Variants in FILIP1 observed in about 807,000 individuals in gnomAD.
FILIP1 encodes filamin A interacting protein 1.
FILIP1 carries 61 observed loss-of-function variants against 102.1 expected under a neutral mutation model. The observed-to-expected ratio is 0.60, with a 90% confidence interval of 0.49 to 0.74. The LOEUF (loss-of-function observed/expected upper bound fraction) is 0.74, where lower values mean the gene tolerates loss of function less well. Ranked by LOEUF, FILIP1 falls within the 30% of genes least tolerant of loss-of-function variation. The pLI is 0.00. For missense variants in FILIP1, 1,314 were observed against 1,441.2 expected (o/e 0.91, Z 1.43); for synonymous variants, 491 against 526.9 (o/e 0.93, Z 0.93).
rs1036307516 is a variant in FILIP1, at chr6:75,435,382, C to T, written c.-6-20404G>A. On this transcript the variant is annotated intron_variant, in intron 1 of 5. Coordinates refer to ENST00000237172, the MANE Select transcript of FILIP1 (RefSeq NM_015687.5). ...TTTTAAATCATTGGAGATTTCTTTG[C>T]CTCTTTAAGTCTTGAAATATAAATG... Among the ~76,000 whole-genome samples the T allele has an allele frequency of 2.6e-5, 4 of 152,108 alleles. No individual in the cohort carries two copies. In the South Asian group the frequency reaches 8.3e-4, roughly 32 times the overall value.
At chr6:75,462,807 C>T (rs1415460091) in intron 1 of FILIP1, among the ~76,000 whole-genome samples, 1 of 152,112 alleles carries the variant, frequency 6.6e-6, no homozygotes, top group Non-Finnish European at 1.5e-5. Flanking sequence ...ACAAGCTGCC[C>T]CCATCCCTTT....
chr6:75,389,638 A>C (rs1055122552), intron 2 of FILIP1, among the ~76,000 whole-genome samples: 1 of 152,166 alleles, frequency 6.6e-6, no homozygotes, highest in African/African-American at 2.4e-5. Flanking sequence ...AATTTCCTCT[A>C]GATTTTCTAG....
At chr6:75,441,719 C>T (rs1193652070) in intron 1 of FILIP1, among the ~76,000 whole-genome samples, 1 of 142,198 alleles carries the variant, frequency 7.0e-6, no homozygotes, top group Non-Finnish European at 1.5e-5. Context: ...CTGACCCCCC[C>T]ACCTCCCTCC....
chr6:75,372,621 A>AAG (rs1554204813), intron 2 of FILIP1, among the ~76,000 whole-genome samples: 4 of 42,230 alleles, frequency 9.5e-5, no homozygotes, highest in East Asian at 7.1e-4. Flanking sequence ...GAAAGAAAGA[A>AAG]AAAGAAAGAA....
intron 1 of FILIP1, among the ~76,000 whole-genome samples, chr6:75,449,995 G>A (rs978623237): frequency 6.6e-5 from 10 of 152,092 alleles, no homozygotes; most frequent in African/African-American, 2.4e-4. Context: ...GTGCGGTGGT[G>A]CAATCATGGC....
Position 75,429,880 on chromosome 6 carries a change from C to T in FILIP1, c.-6-14902G>A, listed in dbSNP as rs927987361. ...CAAACTTTTTTTGTGTCCCATGATA[C>T]TGCATAACAAGCACACCAGCACCAT... On this transcript the variant is annotated intron_variant, in intron 1 of 5. Transcript: ENST00000237172. Among the ~76,000 whole-genome samples, 5 of 152,174 alleles carry T rather than the reference C, an allele frequency of 3.3e-5. No homozygotes were observed. In the East Asian group the frequency reaches 9.6e-4, roughly 29 times the overall value.
At chr6:75,353,758 C>T in intron 3 of FILIP1, 41 bp from the exon 4 acceptor site, 1 of 1,593,242 alleles carries the variant, frequency 6.3e-7, no homozygotes, top group Non-Finnish European at 8.5e-7. Flanking sequence ...TATTTTATTG[C>T]ATTTGCATAG....
intron 1 of FILIP1, among the ~76,000 whole-genome samples, chr6:75,436,774 G>T (rs1778037149): frequency 6.6e-6 from 1 of 152,036 alleles, no homozygotes; most frequent in Non-Finnish European, 1.5e-5. Flanking sequence ...TCTGTATTTA[G>T]GTCAAGACAA....
At chr6:75,346,107 T>C (rs1031696071) in intron 4 of FILIP1, among the ~76,000 whole-genome samples, 1 of 152,198 alleles carries the variant, frequency 6.6e-6, no homozygotes, top group Non-Finnish European at 1.5e-5. Flanking sequence ...GGCTCTGAGT[T>C]TATAAGGTAC....
chr6:75,300,373 C>A (rs1450640775), intron 6 of FILIP1, among the ~76,000 whole-genome samples: 1 of 152,150 alleles, frequency 6.6e-6, no homozygotes, highest in African/African-American at 2.4e-5. Context: ...CCCTACCCAC[C>A]AGGGGCTCTG....
chr6:75,366,055 A>G (rs1259418864), intron 2 of FILIP1: 1 of 152,212 alleles, frequency 6.6e-6, no homozygotes, highest in Non-Finnish European at 1.5e-5. Flanking sequence ...CAAACACACC[A>G]GTAAAGCCAG....
intron 2 of FILIP1, among the ~76,000 whole-genome samples, chr6:75,399,758 A>G (rs1467890682): frequency 6.6e-6 from 1 of 152,166 alleles, no homozygotes; most frequent in Non-Finnish European, 1.5e-5. Flanking sequence ...CCTGGCATAT[A>G]TTAGGCAGCA....
chr6:75,312,430 G>T lies in FILIP1; in HGVS notation c.3402C>A (p.Val1134=). 1 of 1,614,058 alleles carries T rather than the reference G, an allele frequency of 6.2e-7. No individual in the cohort carries two copies. Among genetic ancestry groups the T allele is most frequent in the South Asian group, 1.1e-5 (1 of 91,026 alleles). Residue 1134 remains valine (V), a synonymous_variant, in exon 5 of 6, where the codon GTC becomes GTA. Coordinates refer to ENST00000237172, the MANE Select transcript of FILIP1 (RefSeq NM_015687.5). ...KVTSTITITP[V]TTSSARGTQS... ...GGGTTCCTCGAGCAGATGACGTTGT[G>T]ACCGGTGTTATGGTGATAGTGCTCG...
At chr6:75,296,475 T>TTTTA (rs565379089) in intron 6 of FILIP1, 12 of 140,396 alleles carry the variant, frequency 8.5e-5, no homozygotes, top group African/African-American at 3.2e-4. Flanking sequence ...ACTCTATATG[T>TTTTA]TTATTATTAT....
chr6:75,454,083 G>T, intron 1 of FILIP1: 1 of 449,500 alleles, frequency 2.2e-6, no homozygotes, highest in Non-Finnish European at 4.5e-6. Context: ...TCTGCTTAGG[G>T]TCTCTCAATG....
intron 4 of FILIP1, among the ~76,000 whole-genome samples, chr6:75,346,093 A>G (rs893684541): frequency 6.6e-6 from 1 of 152,232 alleles, no homozygotes; most frequent in Non-Finnish European, 1.5e-5. Flanking sequence ...AGTATAATCT[A>G]ATAGGCTCTG....
intron 3 of FILIP1, among the ~76,000 whole-genome samples, chr6:75,358,904 A>T (rs1466098127): frequency 1.3e-5 from 2 of 150,428 alleles, no homozygotes; most frequent in East Asian, 4.0e-4. Flanking sequence ...TTGTATTTTT[A>T]GTAGAGATGG....
intron 2 of FILIP1, among the ~76,000 whole-genome samples, chr6:75,364,099 T>C (rs1775252993): frequency 6.6e-6 from 1 of 152,238 alleles, no homozygotes; most frequent in African/African-American, 2.4e-5. Context: ...AATAATTCAT[T>C]ACTGAGATGT....
At chr6:75,397,537 GACACACACACACACACACACACACAC>G (rs59797690) in intron 2 of FILIP1, among the ~76,000 whole-genome samples, 2 of 139,076 alleles carry the variant, frequency 1.4e-5, no homozygotes, top group African/African-American at 2.7e-5. Context: ...ACACATATAA[GACACACACACACACACACACACACAC>G]ACACACACAC....
Sources: gnomAD v4.1 joint callset for allele counts (sites outside exome capture counted in the v4.1 genomes callset) on GRCh38, gnomAD v4.1.1 for gene constraint, MANE v1.5 for transcripts, NCBI Gene and HGNC (gene_info 2026-07-23, HGNC 2026-07-21) for gene names.